UBR2: variants seen among roughly 807,000 people sequenced by gnomAD.
UBR2 encodes E3 ubiquitin-protein ligase UBR2.
In UBR2, 92 loss-of-function variants were observed where a neutral mutation model predicts 247.9. That is an observed-to-expected ratio of 0.37 (90% CI 0.31 to 0.44). UBR2 has a LOEUF of 0.44. Ranked by LOEUF, UBR2 falls within the 20% of genes least tolerant of loss-of-function variation. The pLI, the probability that UBR2 is intolerant of heterozygous loss-of-function variation, is 1.00. For missense variants in UBR2, 1,613 were observed against 2,112.6 expected (o/e 0.76, Z 4.64); for synonymous variants, 672 against 693.5 (o/e 0.97, Z 0.49).
rs142649149 is a variant in UBR2 at position 42,632,851 on chromosome 6, C to A, written c.1492C>A (p.Gln498Lys). Residue 498 changes from glutamine to lysine, a missense_variant, in exon 13 of 47, where the codon CAG becomes AAG. Physicochemically the swap from Gln to Lys is moderately conservative, Grantham distance 53. Around this residue, in one of 3 missense-constraint regions of UBR2, gnomAD observed 1,524 missense variants for 1,967.3 expected, o/e 0.77. Coordinates refer to ENST00000372901, the MANE Select transcript of UBR2 (RefSeq NM_001363705.2). ...AACTGAATGGTCAGATGAGCTGAGG[C>A]AGAAGTTCCTAGAAGGGTTTGATGC... ...KPTEWSDELR[Q>K]KFLEGFDAFL... 6.8e-6 allele frequency: 11 copies of A among 1,606,664 alleles called. No homozygotes were observed. In the African/African-American group the frequency reaches 1.5e-4, roughly 22 times the overall value.
At chr6:42,576,599 G>A (rs958427458) in intron 2 of UBR2, among the ~76,000 whole-genome samples, 2 of 145,026 alleles carry the variant, frequency 1.4e-5, no homozygotes, top group South Asian at 2.2e-4. Context: ...GCATAATCTC[G>A]GCTCACTGCA....
chr6:42,642,373 C>A, intron 17 of UBR2, 43 bp from the exon 18 acceptor site: 1 of 1,371,166 alleles, frequency 7.3e-7, no homozygotes, highest in Non-Finnish European at 1.0e-6. Context: ...AGAGCCTGAG[C>A]CAATAAAAAC....
rs540634322 is a variant in UBR2 at position 42,683,228 on chromosome 6, A to AAGAT, written c.4775+119_4775+122dup. The AAGAT allele has an allele frequency of 5.7e-4, 432 of 764,570 alleles. No homozygotes were observed. In the African/African-American group the frequency reaches 7.2e-3, roughly 13 times the overall value. The allele number at this position is 764,570 out of a possible 1,614,324, so 47.4% of individuals were successfully genotyped here. On this transcript the variant is annotated intron_variant, in intron 43 of 46. Transcript: ENST00000372901. ...AAGCCTTTAGTGATTCCAAAAGGTT[A>AAGAT]AGATATGTTGCCTTCATATTTTCTT...
intron 16 of UBR2, among the ~76,000 whole-genome samples, chr6:42,640,773 A>G (rs962781672): frequency 6.6e-6 from 1 of 151,936 alleles, no homozygotes; most frequent in Non-Finnish European, 1.5e-5. Context: ...TCTGTCACCC[A>G]GGCTGGAATG....
chr6:42,658,475 G>A (rs1023022329), intron 28 of UBR2, among the ~76,000 whole-genome samples, 155 bp downstream of exon 28: 2 of 150,514 alleles, frequency 1.3e-5, no homozygotes, highest in Non-Finnish European at 2.9e-5. Context: ...GCAATTTTTT[G>A]TCTGCTTTTT....
intron 42 of UBR2, 35 bp from the exon 43 acceptor site, chr6:42,683,020 T>C (rs755470669): frequency 4.0e-6 from 6 of 1,499,904 alleles, no homozygotes; most frequent in South Asian, 2.3e-5. Context: ...CCTTTAAAAG[T>C]GTTTTGTGTT....
At chr6:42,674,499 C>G (rs1363651332) in intron 38 of UBR2, among the ~76,000 whole-genome samples, 1 of 152,156 alleles carries the variant, frequency 6.6e-6, no homozygotes, top group African/African-American at 2.4e-5. Context: ...TGTGGTGACT[C>G]ATGCCTGTAA....
At chr6:42,684,690 T>C (rs1482907890) in intron 43 of UBR2, 104 bp from the exon 44 acceptor site, 8 of 675,190 alleles carry the variant, frequency 1.2e-5, no homozygotes, top group Non-Finnish European at 1.4e-5. Flanking sequence ...TGAAAGGCCA[T>C]ACCATGTTAC....
intron 2 of UBR2, among the ~76,000 whole-genome samples, chr6:42,582,804 G>C (rs1191668239): frequency 6.6e-6 from 1 of 151,808 alleles, no homozygotes; most frequent in East Asian, 1.9e-4. Flanking sequence ...TACATAGACT[G>C]TTTAATTTGC....
intron 23 of UBR2, among the ~76,000 whole-genome samples, chr6:42,651,001 C>T (rs9462815): frequency 0.25 from 37,448 of 151,876 alleles, 5,020 homozygotes; most frequent in East Asian, 0.45. Flanking sequence ...GCGGGCAGAT[C>T]GCTTGAGCTC....
rs750035164 is a variant in UBR2, at chr6:42,660,971, TTTTGTTTGTTTG to T, written c.3442+1128_3442+1139del. 4.4e-4 allele frequency among the ~76,000 whole-genome samples: 64 copies of T among 145,222 alleles called. 1 individual carries two copies. In the East Asian group the frequency reaches 7.4e-3, roughly 17 times the overall value. On this transcript the variant is annotated intron_variant, in intron 30 of 46. Coordinates refer to ENST00000372901, the MANE Select transcript of UBR2 (RefSeq NM_001363705.2). Reference sequence around the variant, plus strand: ...AACGGAGCGAGACCCTGTGTGGTTTTTTTGTTTGTTTGTTTGTTTGTTTTTAAAAAAAAAAAA... The same window carrying T: ...AACGGAGCGAGACCCTGTGTGGTTTTTTTGTTTGTTTTTAAAAAAAAAAAA...
intron 20 of UBR2, 47 bp downstream of exon 20, chr6:42,644,583 A>G (rs1344735885): frequency 6.7e-7 from 1 of 1,484,218 alleles, no homozygotes; most frequent in Admixed American, 1.7e-5. Context: ...ACTGACGTTT[A>G]TAGTAGCAAA....
At chr6:42,629,756 C>T (rs1013151209) in intron 11 of UBR2, among the ~76,000 whole-genome samples, 1 of 152,110 alleles carries the variant, frequency 6.6e-6, no homozygotes, top group African/African-American at 2.4e-5. Flanking sequence ...TTGAAAATTA[C>T]TTTGAAAGGT....
At chr6:42,602,761 C>CGTGTGT (rs35409984) in intron 4 of UBR2, among the ~76,000 whole-genome samples, 4 of 145,560 alleles carry the variant, frequency 2.7e-5, no homozygotes, top group East Asian at 4.0e-4. Flanking sequence ...GCTGTGTGTG[C>CGTGTGT]GTGTGTGTGT....
chr6:42,566,725 G>GTTTTTTT (rs5875813), intron 1 of UBR2, among the ~76,000 whole-genome samples: 1 of 149,936 alleles, frequency 6.7e-6, no homozygotes. Context: ...TGAACAATAA[G>GTTTTTTT]TTTTTTTTTT....
rs1798044554 is a variant in UBR2, at chr6:42,665,327, T to C, written c.3699-82T>C. ...TTTAATATTTGGAGTGTGTCTAAAA[T>C]ATGCCTGTGATCATTTAAGGAGTCT... On this transcript the variant is annotated intron_variant, in intron 32 of 46. Coordinates refer to ENST00000372901, the MANE Select transcript of UBR2 (RefSeq NM_001363705.2). 3.8e-6 allele frequency: 4 copies of C among 1,046,646 alleles called. No homozygotes were observed. In the African/African-American group the frequency reaches 4.9e-5, roughly 13 times the overall value. 64.8% of individuals were successfully genotyped at this position (1,046,646 alleles called of 1,614,324 possible).
At position 42,659,812 on chromosome 6, in the gene UBR2, A is replaced by G. The variant is rs749883987; in HGVS notation, c.3399A>G (p.Ser1133=). 3 of 1,614,178 alleles carry G rather than the reference A, an allele frequency of 1.9e-6. No homozygotes were observed. In the East Asian group the frequency reaches 6.7e-5, roughly 36 times the overall value. Residue 1133 remains serine (S), a synonymous_variant, in exon 30 of 47, where the codon TCA becomes TCG. Coordinates refer to ENST00000372901, the MANE Select transcript of UBR2 (RefSeq NM_001363705.2). This position sits in a 1 kb window ranked among gnomAD's most constrained non-coding sequence, Gnocchi z 4.3. ...AMVLAAFVQR[S]TVLSKNRSKF... ...TCTTGGCAGCATTTGTTCAGAGATC[A>G]ACTGTATTATCAAAAAACAGAAGTA...
chr6:42,633,972 C>A (rs1006087213), intron 13 of UBR2, among the ~76,000 whole-genome samples: 1 of 152,256 alleles, frequency 6.6e-6, no homozygotes, highest in Non-Finnish European at 1.5e-5. Context: ...CTCAAGTGAT[C>A]CGCCCACCTC....
chr6:42,686,219 C>T (rs1799384411), intron 44 of UBR2, among the ~76,000 whole-genome samples: 1 of 151,784 alleles, frequency 6.6e-6, no homozygotes, highest in Non-Finnish European at 1.5e-5. Context: ...AGGCAGAGGT[C>T]CCTGCGGCCT....
Sources: gnomAD v4.1 joint callset for allele counts (sites outside exome capture counted in the v4.1 genomes callset) on GRCh38, gnomAD v4.1.1 for gene constraint, gnomAD v4.1.1 regional missense constraint, Gnocchi (gnomAD v3.1) non-coding constraint, MANE v1.5 for transcripts, NCBI Gene and HGNC (gene_info 2026-07-23, HGNC 2026-07-21) for gene names.